The following CSMD1 variants were observed in gnomAD, a reference collection of about 807,000 sequenced individuals.
CSMD1 encodes the protein CUB and Sushi multiple domains 1.
CSMD1 carries 213 observed loss-of-function variants against 417.5 expected under a neutral mutation model. The observed-to-expected ratio is 0.51, with a 90% CI of 0.46 to 0.57. The LOEUF (loss-of-function observed/expected upper bound fraction) is 0.57. CSMD1 is among the 20% of genes least tolerant of loss of function. The pLI, the probability that CSMD1 is intolerant of heterozygous loss-of-function variation, is 0.00. For synonymous variants in CSMD1, 2,862 were observed against 1,736.8 expected, an observed-to-expected ratio of 1.65 and a Z score of -16.11; for missense variants, 6,923 against 4,529.7, an observed-to-expected ratio of 1.53 and a Z score of -15.17.
chr8:3,248,668 A>AT (rs1800057235), intron 26 of CSMD1, among the ~76,000 whole-genome samples: 1 of 151,158 alleles, frequency 6.6e-6, no homozygotes, highest in South Asian at 2.1e-4. Context: ...GCAATACTTG[A>AT]TTTGTTTTTA....
intron 3 of CSMD1, among the ~76,000 whole-genome samples, chr8:4,077,836 A>G (rs993279016): frequency 3.1e-4 from 47 of 152,290 alleles, no homozygotes; most frequent in African/African-American, 1.1e-3. Context: ...TACATAAACC[A>G]AATTGAGCCT....
At chr8:3,135,153 C>A (rs1818005998) in intron 41 of CSMD1, among the ~76,000 whole-genome samples, 1 of 152,126 alleles carries the variant, frequency 6.6e-6, no homozygotes. Flanking sequence ...TGGCCTTGAG[C>A]AATCTTCCCG....
chr8:4,075,712 T>G (rs1291446562), intron 3 of CSMD1, among the ~76,000 whole-genome samples: 1 of 152,168 alleles, frequency 6.6e-6, no homozygotes, highest in Non-Finnish European at 1.5e-5. Context: ...AAATTGTCAA[T>G]GTAGAAACGG....
chr8:3,216,010 A>G (rs528942223), intron 29 of CSMD1, among the ~76,000 whole-genome samples: 43 of 149,278 alleles, frequency 2.9e-4, no homozygotes, highest in African/African-American at 1.0e-3. Context: ...AATAAACTAT[A>G]TTTCCTATAT....
intron 23 of CSMD1, among the ~76,000 whole-genome samples, chr8:3,335,665 G>C (rs149808): frequency 0.41 from 62,289 of 151,994 alleles, 14,611 homozygotes; most frequent in Non-Finnish European, 0.53. Flanking sequence ...GACAGAGTGA[G>C]ACTCCGACTC....
At chr8:3,208,906 C>G (rs1237608008) in intron 30 of CSMD1, among the ~76,000 whole-genome samples, 2 of 152,156 alleles carry the variant, frequency 1.3e-5, no homozygotes, top group Non-Finnish European at 2.9e-5. Context: ...AGCCTGCAGA[C>G]AGCATATTGT....
chr8:3,773,546 C>G (rs1303838934), intron 5 of CSMD1, among the ~76,000 whole-genome samples: 1 of 152,148 alleles, frequency 6.6e-6, no homozygotes, highest in Non-Finnish European at 1.5e-5. Context: ...CTTGGCCTCC[C>G]AAACTGCTGA....
chr8:4,748,268 G>A (rs1485383273), intron 1 of CSMD1, among the ~76,000 whole-genome samples: 1 of 152,228 alleles, frequency 6.6e-6, no homozygotes, highest in Non-Finnish European at 1.5e-5. Flanking sequence ...TCTTTAGAAA[G>A]CACACAAGCA....
intron 18 of CSMD1, among the ~76,000 whole-genome samples, chr8:3,377,828 C>G (rs1055958734): frequency 1.3e-5 from 2 of 152,182 alleles, no homozygotes; most frequent in African/African-American, 4.8e-5. Flanking sequence ...TCAAACTGAA[C>G]TGACTGTATT....
At chr8:4,230,641 C>G (rs983350898) in intron 3 of CSMD1, among the ~76,000 whole-genome samples, 1 of 152,086 alleles carries the variant, frequency 6.6e-6, no homozygotes, top group Non-Finnish European at 1.5e-5. Context: ...TTGTGACTAC[C>G]AAGTAGCTCA....
At chr8:3,668,742 C>G (rs1231693276) in intron 7 of CSMD1, among the ~76,000 whole-genome samples, 2 of 152,204 alleles carry the variant, frequency 1.3e-5, no homozygotes, top group East Asian at 1.9e-4. Flanking sequence ...GGGGCCAACG[C>G]TAGGGAAGAC....
rs944270927 is a variant in CSMD1 at position 4,669,720 on chromosome 8, C to A, written c.86-32162G>T. ...CATTTCTGCTGTTTCTTTTCTTAAA[C>A]CCTCTTTACATAGTTTTATTCACCT... On this transcript the variant is annotated intron_variant, in intron 1 of 69. Coordinates refer to ENST00000635120, the MANE Select transcript of CSMD1 (RefSeq NM_033225.6). Among the ~76,000 whole-genome samples the A allele has an allele frequency of 2.6e-5, 4 of 152,102 alleles. 1 individual carries two copies. The highest frequency in any genetic ancestry group is 9.7e-5 in the African/African-American group (4 of 41,408).
intron 40 of CSMD1, among the ~76,000 whole-genome samples, chr8:3,144,595 C>T (rs1339982809): frequency 6.6e-6 from 1 of 151,962 alleles, no homozygotes; most frequent in Non-Finnish European, 1.5e-5. Flanking sequence ...ATTCTAACAT[C>T]GTCTGCTGTA....
chr8:3,714,158 T>A (rs1240257006), intron 6 of CSMD1, among the ~76,000 whole-genome samples: 1 of 150,130 alleles, frequency 6.7e-6, no homozygotes. Flanking sequence ...AGAAAGTTAA[T>A]AACATATTAC....
chr8:4,539,378 T>C (rs1797267452), intron 2 of CSMD1, among the ~76,000 whole-genome samples: 1 of 152,200 alleles, frequency 6.6e-6, no homozygotes. Flanking sequence ...GCAGGAATGT[T>C]TTTGGAGTGT....
chr8:4,274,455 C>G (rs1385382379), intron 3 of CSMD1, among the ~76,000 whole-genome samples: 1 of 152,150 alleles, frequency 6.6e-6, no homozygotes, highest in African/African-American at 2.4e-5. Context: ...GATTAATCGT[C>G]AGCACAGTCG....
chr8:3,181,442 C>G (rs1167838988), intron 36 of CSMD1, among the ~76,000 whole-genome samples: 1 of 152,136 alleles, frequency 6.6e-6, no homozygotes, highest in Non-Finnish European at 1.5e-5. Context: ...GATGTGACAC[C>G]TTTCTCTTGT....
chr8:4,950,326 G>A (rs1467542646), intron 1 of CSMD1, among the ~76,000 whole-genome samples: 3 of 152,094 alleles, frequency 2.0e-5, no homozygotes, highest in South Asian at 4.1e-4. Flanking sequence ...AGTGACATTT[G>A]CAGTTGTCTT....
At chr8:3,217,406 C>T (rs569363902) in intron 29 of CSMD1, among the ~76,000 whole-genome samples, 6 of 152,190 alleles carry the variant, frequency 3.9e-5, no homozygotes, top group African/African-American at 9.6e-5. Context: ...TTCATTCATT[C>T]GTTGGCCCAT....
Sources: gnomAD v4.1 joint callset for allele counts (sites outside exome capture counted in the v4.1 genomes callset) on GRCh38, gnomAD v4.1.1 for gene constraint, MANE v1.5 for transcripts, NCBI Gene and HGNC (gene_info 2026-07-23, HGNC 2026-07-21) for gene names.